Variants in EDIL3 observed in about 807,000 individuals in gnomAD.
The protein encoded by EDIL3 is EGF-like repeat and discoidin I-like domain-containing protein 3.
Under a neutral mutation model 67.4 loss-of-function variants are expected in EDIL3, and 37 were observed. The observed-to-expected ratio is 0.55, with a 90% CI of 0.42 to 0.72. EDIL3 has a LOEUF of 0.72. EDIL3 is among the 30% of genes least tolerant of loss of function. EDIL3 has a pLI of 0.00. For synonymous variants in EDIL3, 195 were observed against 196.3 expected, an observed-to-expected ratio of 0.99 and a Z score of 0.05; for missense variants, 527 against 586.3, an observed-to-expected ratio of 0.90 and a Z score of 1.04.
At chr5:84,085,470 C>T (rs141416753) in intron 6 of EDIL3, among the ~76,000 whole-genome samples, 1 of 152,162 alleles carries the variant, frequency 6.6e-6, no homozygotes, top group Admixed American at 6.5e-5. Context: ...TGGAGGTCCA[C>T]TCCCAGACCC....
At chr5:84,288,597 C>T (rs1333291873) in intron 1 of EDIL3, among the ~76,000 whole-genome samples, 1 of 152,114 alleles carries the variant, frequency 6.6e-6, no homozygotes, top group African/African-American at 2.4e-5. Flanking sequence ...TCACATCGTC[C>T]TGTCACCTCG....
At chr5:84,012,052 T>A (rs1034294505) in intron 9 of EDIL3, among the ~76,000 whole-genome samples, 1 of 152,214 alleles carries the variant, frequency 6.6e-6, no homozygotes, top group African/African-American at 2.4e-5. Context: ...ATGATTCTTG[T>A]TACATGGAAT....
chr5:84,347,789 A>G (rs140032371), intron 1 of EDIL3, among the ~76,000 whole-genome samples: 3 of 152,358 alleles, frequency 2.0e-5, no homozygotes, highest in African/African-American at 7.2e-5. Flanking sequence ...CATAGTTTCT[A>G]TCATGTAGAA....
At chr5:84,192,621 G>A (rs530453456) in intron 3 of EDIL3, among the ~76,000 whole-genome samples, 2 of 151,714 alleles carry the variant, frequency 1.3e-5, no homozygotes, top group East Asian at 3.9e-4. Flanking sequence ...CCATCCATTG[G>A]TTCATTTGTT....
chr5:84,107,998 AAAT>A (rs1747493379), intron 5 of EDIL3, among the ~76,000 whole-genome samples: 1 of 151,210 alleles, frequency 6.6e-6, no homozygotes, highest in Admixed American at 6.6e-5. Flanking sequence ...GAATTTATGA[AAAT>A]AAGAAAGAAG....
chr5:84,069,762 C>G (rs1746703623), intron 6 of EDIL3, among the ~76,000 whole-genome samples: 1 of 152,060 alleles, frequency 6.6e-6, no homozygotes, highest in Non-Finnish European at 1.5e-5. Flanking sequence ...GCCCACGGAT[C>G]TAGGTGAGGA....
At chr5:84,129,670 T>C (rs1346363795) in intron 5 of EDIL3, among the ~76,000 whole-genome samples, 1 of 152,148 alleles carries the variant, frequency 6.6e-6, no homozygotes, top group Non-Finnish European at 1.5e-5. Flanking sequence ...AGATATTTGT[T>C]ATATGGAATA....
At chr5:84,060,940 T>A (rs960337737) in intron 8 of EDIL3, among the ~76,000 whole-genome samples, 1 of 152,272 alleles carries the variant, frequency 6.6e-6, no homozygotes, top group South Asian at 2.1e-4. Context: ...CAGTACAAAG[T>A]CATTTTCACA....
intron 10 of EDIL3, among the ~76,000 whole-genome samples, chr5:83,957,057 C>T (rs1051229711): frequency 6.6e-6 from 1 of 151,642 alleles, no homozygotes; most frequent in South Asian, 2.1e-4. Context: ...ATTACTGAAT[C>T]CTAGTGTTTT....
chr5:84,243,523 GT>G (rs1439691541), intron 2 of EDIL3, among the ~76,000 whole-genome samples: 2 of 152,202 alleles, frequency 1.3e-5, no homozygotes, highest in African/African-American at 4.8e-5. Flanking sequence ...TCTGTGTCCA[GT>G]GGCTCCCTGT....
At chr5:84,091,543 G>A (rs1288542633) in intron 6 of EDIL3, among the ~76,000 whole-genome samples, 8 of 152,276 alleles carry the variant, frequency 5.3e-5, no homozygotes, top group South Asian at 2.1e-4. Context: ...ATCAGACCAC[G>A]TGGCTTAGTA....
intron 5 of EDIL3, among the ~76,000 whole-genome samples, chr5:84,115,093 A>G (rs914147790): frequency 6.6e-6 from 1 of 152,174 alleles, no homozygotes; most frequent in African/African-American, 2.4e-5. Flanking sequence ...TTGAAGGTGG[A>G]TTAGTCCTCT....
chr5:84,013,613 T>G (rs1745553077), intron 9 of EDIL3, among the ~76,000 whole-genome samples: 1 of 152,156 alleles, frequency 6.6e-6, no homozygotes, highest in Admixed American at 6.5e-5. Flanking sequence ...GCTACATATT[T>G]ATTGAGTGAC....
In EDIL3 at chr5:84,077,003, T is replaced by G. The variant is rs73134285; in HGVS notation, c.652-10397A>C. On this transcript the variant is annotated intron_variant, in intron 6 of 10. Coordinates refer to ENST00000296591, the MANE Select transcript of EDIL3 (RefSeq NM_005711.5). Reference sequence around the variant, plus strand: ...TTCATCACACAGAATACTATAGACTTAAAAAGGATTGACATTTAATAAAAT... The same window carrying G: ...TTCATCACACAGAATACTATAGACTGAAAAAGGATTGACATTTAATAAAAT... Among the ~76,000 whole-genome samples the G allele has an allele frequency of 1.4e-3, 215 of 152,302 alleles. 1 individual carries two copies. The highest frequency in any genetic ancestry group is 5.0e-3 in the African/African-American group (206 of 41,574).
At chr5:83,969,911 T>C (rs1477510961) in intron 9 of EDIL3, among the ~76,000 whole-genome samples, 1 of 151,798 alleles carries the variant, frequency 6.6e-6, no homozygotes. Context: ...AGAATCCTCC[T>C]TGTAACTATT....
chr5:84,164,901 G>A (rs1403275807), intron 4 of EDIL3, among the ~76,000 whole-genome samples: 5 of 152,054 alleles, frequency 3.3e-5, no homozygotes, highest in Non-Finnish European at 7.4e-5. Context: ...TCCTAGGAGC[G>A]TTTTTGGAGG....
chr5:84,304,170 T>A (rs1485004645), intron 1 of EDIL3, among the ~76,000 whole-genome samples: 1 of 152,166 alleles, frequency 6.6e-6, no homozygotes, highest in Non-Finnish European at 1.5e-5. Context: ...ATATAGCTCA[T>A]CCTATATCCT....
intron 4 of EDIL3, among the ~76,000 whole-genome samples, chr5:84,175,504 C>T (rs983230441): frequency 7.2e-5 from 11 of 152,198 alleles, no homozygotes; most frequent in African/African-American, 2.4e-4. Context: ...TCTTAACACA[C>T]ATCTGTTTAG....
At chr5:84,156,855 T>C (rs551391809) in intron 4 of EDIL3, among the ~76,000 whole-genome samples, 93 of 152,304 alleles carry the variant, frequency 6.1e-4, no homozygotes, top group Non-Finnish European at 1.1e-3. Flanking sequence ...TAATTCTTTT[T>C]TAAAAATTTA....
Sources: allele counts gnomAD v4.1 joint callset (sites outside exome capture counted in the v4.1 genomes callset), GRCh38; gene constraint gnomAD v4.1.1; transcripts MANE v1.5; gene names NCBI Gene and HGNC (gene_info 2026-07-23, HGNC 2026-07-21).